Variants in PTPRG observed in about 807,000 individuals in gnomAD.
PTPRG encodes protein tyrosine phosphatase receptor type G, also known as receptor-type tyrosine-protein phosphatase gamma.
In PTPRG, 102 loss-of-function variants were observed where a neutral mutation model predicts 165.3. The ratio of observed to expected loss-of-function variants is 0.62; its 90% CI spans 0.53 to 0.73. The LOEUF (loss-of-function observed/expected upper bound fraction) is 0.73, where lower values mean the gene tolerates loss of function less well. Ranked by LOEUF, PTPRG falls within the 30% of genes least tolerant of loss-of-function variation. The pLI is 0.00. For synonymous variants in PTPRG, 675 were observed against 669.5 expected, an observed-to-expected ratio of 1.01 and a Z score of -0.13; for missense variants, 1,866 against 1,861.4, an observed-to-expected ratio of 1.00 and a Z score of -0.05.
chr3:61,914,925 T>A (rs974441275), intron 2 of PTPRG, among the ~76,000 whole-genome samples: 1 of 152,192 alleles, frequency 6.6e-6, no homozygotes, highest in African/African-American at 2.4e-5. Flanking sequence ...AAAGCATATC[T>A]ATTACATACA....
chr3:62,191,067 A>ATGTGCATCTGTGTCCCGTGCATGTGTGTG (rs1309894175), intron 8 of PTPRG, among the ~76,000 whole-genome samples: 11 of 152,126 alleles, frequency 7.2e-5, no homozygotes, highest in African/African-American at 2.7e-4. Flanking sequence ...GTGTGTGCGC[A>ATGTGCATCTGTGTCCCGTGCATGTGTGTG]TGTGCATCTG....
At chr3:61,975,367 G>A (rs1021659063) in intron 2 of PTPRG, among the ~76,000 whole-genome samples, 1 of 152,184 alleles carries the variant, frequency 6.6e-6, no homozygotes, top group African/African-American at 2.4e-5. Context: ...TCTGGTAACA[G>A]CTAGTACTCC....
In PTPRG at chr3:62,124,337, T is replaced by G. The variant is rs550996223; in HGVS notation, c.616-8265T>G. 2,172 of 1,612,196 alleles carry G rather than the reference T, an allele frequency of 1.3e-3. 4 individuals carry two copies. Among genetic ancestry groups the G allele is most frequent in the Non-Finnish European group, 1.6e-3 (1,894 of 1,178,264 alleles). ...GGATGCCTGGTTCTGCCCGGGTCTC[T>G]GGTGATGCAGGCTGACAATAGTGGG... On this transcript the variant is annotated intron_variant, in intron 5 of 29. Transcript: ENST00000474889.
chr3:61,910,238 CTT>C (rs1407231617), intron 2 of PTPRG, among the ~76,000 whole-genome samples: 1 of 151,900 alleles, frequency 6.6e-6, no homozygotes, highest in Non-Finnish European at 1.5e-5. Flanking sequence ...CAGGGAGACA[CTT>C]TGTTTGTCCT....
chr3:61,578,549 C>T (rs1575514076), intron 1 of PTPRG, among the ~76,000 whole-genome samples: 1 of 152,198 alleles, frequency 6.6e-6, no homozygotes, highest in East Asian at 1.9e-4. Flanking sequence ...GTTCCTTTCT[C>T]CAACAGAATG....
intron 15 of PTPRG, 147 bp downstream of exon 15, chr3:62,244,045 G>A: frequency 1.8e-6 from 1 of 553,260 alleles, no homozygotes. Context: ...AAATAACTGA[G>A]TTAATGTAGT....
At chr3:61,720,717 T>C (rs1365702426) in intron 1 of PTPRG, among the ~76,000 whole-genome samples, 1 of 152,178 alleles carries the variant, frequency 6.6e-6, no homozygotes, top group African/African-American at 2.4e-5. Flanking sequence ...TACACATTGA[T>C]TGAGTACATT....
At position 62,150,426 on chromosome 3, in the gene PTPRG, A is replaced by G. The variant is rs574587179; in HGVS notation, c.683-6641A>G. On this transcript the variant is annotated intron_variant, in intron 6 of 29. Coordinates refer to ENST00000474889, the MANE Select transcript of PTPRG (RefSeq NM_002841.4). Reference sequence around the variant, plus strand: ...GCAGCATCCATTTTATTAAAAACGCAGAATCTCAGCTCTCATCCCAGACCT... The same window carrying G: ...GCAGCATCCATTTTATTAAAAACGCGGAATCTCAGCTCTCATCCCAGACCT... Among the ~76,000 whole-genome samples, 6 of 152,364 alleles carry G rather than the reference A, an allele frequency of 3.9e-5. No individual in the cohort carries two copies. The South Asian group carries it at 1.0e-3, about 26-fold the overall frequency.
intron 2 of PTPRG, among the ~76,000 whole-genome samples, chr3:61,897,580 T>G (rs1248287273): frequency 6.6e-6 from 1 of 152,202 alleles, no homozygotes; most frequent in East Asian, 1.9e-4. Context: ...CCTGTGCTAT[T>G]CTATAGAAGT....
intron 2 of PTPRG, among the ~76,000 whole-genome samples, chr3:61,971,936 G>A (rs1320931202): frequency 1.3e-5 from 2 of 152,222 alleles, no homozygotes; most frequent in East Asian, 3.9e-4. Context: ...AATACTTATT[G>A]ACCCATGTGT....
At chr3:62,227,289 G>T (rs1700785245) in intron 13 of PTPRG, among the ~76,000 whole-genome samples, 2 of 152,178 alleles carry the variant, frequency 1.3e-5, no homozygotes, top group Admixed American at 1.3e-4. Context: ...CGATGACTGG[G>T]TTTTTGGTAT....
chr3:61,682,358 C>T (rs932637332), intron 1 of PTPRG, among the ~76,000 whole-genome samples: 6 of 152,120 alleles, frequency 3.9e-5, no homozygotes, highest in African/African-American at 1.4e-4. Flanking sequence ...TATCTTCAAG[C>T]TATTCTCAAA....
At chr3:61,630,505 C>A (rs545506933) in intron 1 of PTPRG, among the ~76,000 whole-genome samples, 1 of 152,104 alleles carries the variant, frequency 6.6e-6, no homozygotes, top group East Asian at 1.9e-4. Flanking sequence ...GATGTTTTCT[C>A]CTGTCTTCCT....
In PTPRG at chr3:61,939,928, C is replaced by CTT. The variant is rs561334410; in HGVS notation, c.191-49662_191-49661dup. On this transcript the variant is annotated intron_variant, in intron 2 of 29. Coordinates refer to ENST00000474889, the MANE Select transcript of PTPRG (RefSeq NM_002841.4). ...TGTCTTGGCTTCCTTACTGACTTGT[C>CTT]TTTTTTTTTTTTTTTTTTTTTTTTT... Among the ~76,000 whole-genome samples, 118 of 39,138 alleles carry CTT rather than the reference C, an allele frequency of 3.0e-3. 41 individuals are homozygous for CTT. The highest frequency in any genetic ancestry group is 6.9e-3 in the East Asian group (5 of 726). The allele number at this position is 39,138 out of a possible 152,430, so 25.7% of individuals were successfully genotyped here.
intron 4 of PTPRG, among the ~76,000 whole-genome samples, chr3:62,016,368 A>C (rs780345546): frequency 2.6e-5 from 4 of 152,020 alleles, no homozygotes; most frequent in Admixed American, 6.5e-5. Context: ...GAGTTTCACT[A>C]TGTTGGCCAG....
At chr3:61,823,487 G>A (rs771952302) in intron 2 of PTPRG, among the ~76,000 whole-genome samples, 20 of 152,070 alleles carry the variant, frequency 1.3e-4, no homozygotes, top group Admixed American at 1.1e-3. Context: ...AGGCCTGGCC[G>A]CACAGGGGTT....
chr3:61,621,219 G>A (rs1177791510), intron 1 of PTPRG, among the ~76,000 whole-genome samples: 3 of 151,944 alleles, frequency 2.0e-5, no homozygotes, highest in African/African-American at 7.3e-5. Flanking sequence ...ATTGTCTTAT[G>A]CACCCCTGGA....
intron 4 of PTPRG, among the ~76,000 whole-genome samples, chr3:62,046,831 T>G (rs544196821): frequency 6.6e-6 from 1 of 152,304 alleles, no homozygotes; most frequent in Admixed American, 6.5e-5. Context: ...GGAAAGATGT[T>G]TTAGACCTGC....
intron 5 of PTPRG, among the ~76,000 whole-genome samples, chr3:62,131,110 C>G (rs1703497827): frequency 6.6e-6 from 1 of 152,172 alleles, no homozygotes; most frequent in Non-Finnish European, 1.5e-5. Context: ...TTCTGACCCT[C>G]AACCTCTGCA....
Sources: allele counts gnomAD v4.1 joint callset (sites outside exome capture counted in the v4.1 genomes callset), GRCh38; gene constraint gnomAD v4.1.1; transcripts MANE v1.5; gene names NCBI Gene and HGNC (gene_info 2026-07-23, HGNC 2026-07-21).